Variants in DAPK1 observed in about 807,000 individuals in gnomAD.
The protein encoded by DAPK1 is death-associated protein kinase 1.
DAPK1 carries 56 observed loss-of-function variants against 144.9 expected under a neutral mutation model. The observed-to-expected ratio is 0.39, with a 90% confidence interval of 0.31 to 0.48. The LOEUF (loss-of-function observed/expected upper bound fraction) is 0.48, where lower values mean the gene tolerates loss of function less well. Among genes scored for constraint, DAPK1 ranks in the 20% least tolerant of loss-of-function variants. The pLI is 0.95. For synonymous variants in DAPK1, 690 were observed against 749.0 expected (o/e 0.92, Z 1.29); for missense variants, 1,454 against 1,875.4 (o/e 0.78, Z 4.15).
intron 20 of DAPK1, among the ~76,000 whole-genome samples, chr9:87,682,158 G>A (rs2119338463): frequency 6.6e-6 from 1 of 152,310 alleles, no homozygotes; most frequent in Middle Eastern, 3.4e-3. Flanking sequence ...AGGTTGGATA[G>A]AGGTTTCCAG....
At chr9:87,584,362 C>T (rs1240331798) in intron 2 of DAPK1, among the ~76,000 whole-genome samples, 1 of 152,168 alleles carries the variant, frequency 6.6e-6, no homozygotes, top group East Asian at 1.9e-4. Context: ...CATTCATCCA[C>T]TGATGATTGA....
intron 17 of DAPK1, 66 bp from the exon 18 acceptor site, chr9:87,657,963 T>C: frequency 1.4e-6 from 1 of 729,528 alleles, no homozygotes. Flanking sequence ...ACCTTGTGTC[T>C]CCGGAATGTC....
intron 2 of DAPK1, among the ~76,000 whole-genome samples, chr9:87,511,116 C>T (rs1039562190): frequency 2.0e-5 from 3 of 152,144 alleles, no homozygotes; most frequent in Non-Finnish European, 2.9e-5. Flanking sequence ...CAGTTTCATC[C>T]TTCCTCCCTC....
intron 19 of DAPK1, 200 bp downstream of exon 19, chr9:87,668,874 T>G: frequency 3.6e-6 from 2 of 556,624 alleles, no homozygotes; most frequent in Non-Finnish European, 6.4e-6. Context: ...TATTTGGACT[T>G]GGAAATCATT....
chr9:87,561,475 G>A (rs933662499), intron 2 of DAPK1, among the ~76,000 whole-genome samples: 12 of 151,938 alleles, frequency 7.9e-5, no homozygotes, highest in African/African-American at 1.5e-4. Context: ...ACAGTGAGCC[G>A]AGATGGCACC....
chr9:87,622,582 G>T (rs1587779675), intron 3 of DAPK1, among the ~76,000 whole-genome samples: 1 of 152,126 alleles, frequency 6.6e-6, no homozygotes, highest in African/African-American at 2.4e-5. Flanking sequence ...TTTTATAAAT[G>T]CCTCCTTATA....
Position 87,681,390 on chromosome 9 carries a change from T to C in DAPK1, c.2002-14T>C. The C allele has an allele frequency of 6.9e-7, 1 of 1,458,208 alleles. No individual in the cohort carries two copies. The highest frequency in any genetic ancestry group is 9.6e-7 in the Non-Finnish European group (1 of 1,041,118). The allele number at this position is 1,458,208 out of a possible 1,614,324, so 90.3% of individuals were successfully genotyped here. A position where few individuals can be genotyped will look rare whatever the true frequency, so the allele number is the denominator to read the frequency against. On this transcript the variant is annotated splice_polypyrimidine_tract_variant and intron_variant, in intron 19 of 25. Transcript: ENST00000408954. Reference sequence around the variant, plus strand: ...TTTTCTGTCACTCACTGGCTCTTTCTCATCCATGCTCAGGATACGCACCGA... The same window carrying C: ...TTTTCTGTCACTCACTGGCTCTTTCCCATCCATGCTCAGGATACGCACCGA...
rs565933339 is a variant in DAPK1, at chr9:87,647,319, C to G, written c.1245C>G (p.Ala415=). 2 of 1,614,142 alleles carry G rather than the reference C, an allele frequency of 1.2e-6. No individual in the cohort carries two copies. The highest frequency in any genetic ancestry group is 2.2e-5 in the South Asian group (2 of 91,076). Residue 415 remains alanine, a synonymous_variant, in exon 14 of 26, where the codon GCC becomes GCG. Coordinates refer to ENST00000408954, the MANE Select transcript of DAPK1 (RefSeq NM_004938.4). ...IDVQDKGGSN[A]VYWAARHGHV... is the part of the protein sequence containing the mutation. ...TTTTCCTGCAGGGCGGGTCCAATGCCGTCTACTGGGCTGCTCGGCATGGCC... is the reference window on the plus strand; with the variant it reads ...TTTTCCTGCAGGGCGGGTCCAATGCGGTCTACTGGGCTGCTCGGCATGGCC...
rs143610957 is a variant in DAPK1 at position 87,686,868 on chromosome 9, T to C, written c.2413+129T>C. On this transcript the variant is annotated intron_variant, in intron 21 of 25. Coordinates refer to ENST00000408954, the MANE Select transcript of DAPK1 (RefSeq NM_004938.4). The surrounding 1 kb of genome is among the most constrained non-coding windows in gnomAD (Gnocchi z 4.2). ...GAAGGAAATCCAACACAGACTGATA[T>C]TCAGAGTGAGCCAGGACTGAAGCAT... The C allele has an allele frequency of 1.2e-4, 167 of 1,428,428 alleles. No individual in the cohort carries two copies. In the African/African-American group the frequency reaches 1.9e-3, roughly 17 times the overall value. 88.5% of individuals were successfully genotyped at this position (1,428,428 alleles called of 1,614,324 possible). A position where few individuals can be genotyped will look rare whatever the true frequency, so the allele number is the denominator to read the frequency against.
chr9:87,672,196 T>C lies in DAPK1; in HGVS notation c.2001+3522T>C, dbSNP rs200875992. Among the ~76,000 whole-genome samples the C allele has an allele frequency of 1.9e-4, 29 of 152,314 alleles. No homozygotes were observed. In the East Asian group the frequency reaches 5.4e-3, roughly 28 times the overall value. On this transcript the variant is annotated intron_variant, in intron 19 of 25. Transcript: ENST00000408954. ...AGACCACTCTGGAACAGCTGTGAGG[T>C]GCAGCAGTGGCCCCTGTGGCTGGGC...
chr9:87,593,236 T>C (rs1828202701), intron 2 of DAPK1, among the ~76,000 whole-genome samples: 1 of 152,242 alleles, frequency 6.6e-6, no homozygotes, highest in East Asian at 1.9e-4. Context: ...CCAGGAATAT[T>C]TGAATTTCTC....
intron 2 of DAPK1, among the ~76,000 whole-genome samples, chr9:87,519,259 T>A (rs1007516860): frequency 4.6e-5 from 7 of 152,224 alleles, no homozygotes; most frequent in African/African-American, 1.7e-4. Context: ...CCTTCATTCC[T>A]CTTCTCAGGT....
intron 13 of DAPK1, among the ~76,000 whole-genome samples, 171 bp from the exon 14 acceptor site, chr9:87,647,134 C>T (rs527707522): frequency 1.3e-5 from 2 of 152,334 alleles, no homozygotes; most frequent in African/African-American, 4.8e-5. Flanking sequence ...TGTGTAACCA[C>T]GGTACATTTG....
chr9:87,518,099 G>GGTTTTTTTT (rs763027342), intron 2 of DAPK1, among the ~76,000 whole-genome samples: 4 of 126,040 alleles, frequency 3.2e-5, no homozygotes, highest in African/African-American at 1.4e-4. Context: ...TGCCGTTTAT[G>GGTTTTTTTT]TTGTTGTTTT....
intron 22 of DAPK1, among the ~76,000 whole-genome samples, chr9:87,697,860 A>G (rs535575907): frequency 8.6e-4 from 131 of 152,310 alleles, no homozygotes; most frequent in Admixed American, 1.7e-3. Context: ...GGGCTGAGGC[A>G]GGAGGATTGC....
chr9:87,697,866 A>T lies in DAPK1; in HGVS notation c.2611+662A>T, dbSNP rs572010003. Among the ~76,000 whole-genome samples, 5 of 152,268 alleles carry T rather than the reference A, an allele frequency of 3.3e-5. No homozygotes were observed. The South Asian group carries it at 1.0e-3, about 32-fold the overall frequency. ...CTACTTCAGGGGCTGAGGCAGGAGG[A>T]TTGCTTGAACCTGGGAGGCTGTGGC... is the stretch of plus-strand genomic sequence containing the variant. On this transcript the variant is annotated intron_variant, in intron 22 of 25. Transcript: ENST00000408954.
intron 17 of DAPK1, 180 bp from the exon 18 acceptor site, chr9:87,657,849 C>G (rs2119213088): frequency 1.6e-6 from 1 of 610,548 alleles, no homozygotes; most frequent in African/African-American, 1.9e-5. Flanking sequence ...TTGCAAAGTA[C>G]TTGGAAAGGT....
intron 3 of DAPK1, among the ~76,000 whole-genome samples, chr9:87,605,583 C>T (rs1421767512): frequency 1.3e-5 from 2 of 151,194 alleles, no homozygotes; most frequent in Non-Finnish European, 2.9e-5. Context: ...TTATCTCTTC[C>T]CCCATCTCTT....
chr9:87,564,633 A>G (rs1827050129), intron 2 of DAPK1, among the ~76,000 whole-genome samples: 1 of 147,804 alleles, frequency 6.8e-6, no homozygotes, highest in Non-Finnish European at 1.5e-5. Context: ...AGAGGGAGGG[A>G]GGGAGGAAGG....
Sources: allele counts gnomAD v4.1 joint callset (sites outside exome capture counted in the v4.1 genomes callset), GRCh38; gene constraint gnomAD v4.1.1; non-coding constraint Gnocchi (gnomAD v3.1); transcripts MANE v1.5; gene names NCBI Gene and HGNC (gene_info 2026-07-23, HGNC 2026-07-21).